KNDC1: variants seen among roughly 807,000 people sequenced by gnomAD.
The protein encoded by KNDC1 is kinase non-catalytic C-lobe domain-containing protein 1.
KNDC1 carries 106 observed loss-of-function variants against 172.8 expected under a neutral mutation model. That is an observed-to-expected ratio of 0.61 (90% CI 0.52 to 0.72). KNDC1 has a LOEUF of 0.72. KNDC1 is among the 30% of genes least tolerant of loss of function. KNDC1 has a pLI of 0.00. For synonymous variants in KNDC1, 1,083 were observed against 1,062.2 expected (o/e 1.02, Z -0.38); for missense variants, 2,325 against 2,394.5 (o/e 0.97, Z 0.61).
At chr10:133,166,862 G>A (rs1853176359) in intron 1 of KNDC1, among the ~76,000 whole-genome samples, 1 of 152,168 alleles carries the variant, frequency 6.6e-6, no homozygotes, top group Non-Finnish European at 1.5e-5. Context: ...CGAGCCACAT[G>A]GAGGGAACCG....
chr10:133,220,739 G>C (rs1482355055), intron 29 of KNDC1, among the ~76,000 whole-genome samples: 4 of 98,064 alleles, frequency 4.1e-5, no homozygotes, highest in African/African-American at 1.5e-4. Flanking sequence ...GGGCTCAGGC[G>C]GCCGCGCGCC....
intron 17 of KNDC1, among the ~76,000 whole-genome samples, chr10:133,203,968 A>C (rs1213948088): frequency 6.6e-6 from 1 of 152,168 alleles, no homozygotes; most frequent in Non-Finnish European, 1.5e-5. Context: ...GCTCGCAGGC[A>C]CCCGCCTCCA....
intron 1 of KNDC1, among the ~76,000 whole-genome samples, chr10:133,165,128 C>G (rs1374455254): frequency 6.6e-6 from 1 of 152,208 alleles, no homozygotes; most frequent in East Asian, 1.9e-4. Flanking sequence ...CTGGAAAGCC[C>G]CAGAGAGGCT....
At chr10:133,198,306 C>T (rs959069046) in intron 12 of KNDC1, 31 bp from the exon 13 acceptor site, 20 of 1,525,320 alleles carry the variant, frequency 1.3e-5, no homozygotes, top group Admixed American at 5.8e-5. Context: ...CCACTCCGCC[C>T]GCCCACACCC....
chr10:133,218,686 C>T lies in KNDC1; in HGVS notation c.4678-145C>T. ...CCCCTCCACGGCCACCGCTCACCTGCGTCCACACAGCCGCTTCCTTTCCAC... is the reference window on the plus strand; with the variant it reads ...CCCCTCCACGGCCACCGCTCACCTGTGTCCACACAGCCGCTTCCTTTCCAC... On this transcript the variant is annotated intron_variant, in intron 26 of 29. Transcript: ENST00000304613. 6 of 1,051,660 alleles carry T rather than the reference C, an allele frequency of 5.7e-6. 1 individual carries two copies. The highest frequency in any genetic ancestry group is 3.2e-5 in the African/African-American group (2 of 63,284). 65.1% of individuals were successfully genotyped at this position (1,051,660 alleles called of 1,614,324 possible).
At position 133,225,200 on chromosome 10, in the gene KNDC1, C is replaced by T. The variant is rs1330396942; in HGVS notation, c.*310C>T. 3 of 351,686 alleles carry T rather than the reference C, an allele frequency of 8.5e-6. No homozygotes were observed. Among genetic ancestry groups the T allele is most frequent in the Admixed American group, 8.8e-5 (2 of 22,802 alleles). 21.8% of individuals were successfully genotyped at this position (351,686 alleles called of 1,614,324 possible). ...CCAGGAGTTTTGTGCCTGTCTGCGC[C>T]TCTCACACACAGATAAGTGGCTCTT... On this transcript the variant is annotated 3_prime_UTR_variant, in exon 30 of 30. Transcript: ENST00000304613.
At chr10:133,222,499 G>C (rs1282139350) in intron 29 of KNDC1, among the ~76,000 whole-genome samples, 1 of 90,096 alleles carries the variant, frequency 1.1e-5, no homozygotes, top group African/African-American at 4.2e-5. Context: ...CGGTGTGTGT[G>C]TGTGTGTGTG....
chr10:133,207,394 C>G (rs779491833), intron 20 of KNDC1, 43 bp downstream of exon 20: 2 of 1,579,366 alleles, frequency 1.3e-6, no homozygotes, highest in South Asian at 1.1e-5. Flanking sequence ...AGACGTAGCC[C>G]GGGGTGCTGA....
In KNDC1 at chr10:133,219,969, C is replaced by T. The variant is rs1421511192; in HGVS notation, c.4875C>T (p.Ser1625=). ...TGGACCACCAGGTCTTCCTGAAGAGCGACAGCCTGTGTCTGATGGAAGGGC... is the reference window on the plus strand; with the variant it reads ...TGGACCACCAGGTCTTCCTGAAGAGTGACAGCCTGTGTCTGATGGAAGGGC... ...ELKAVEVFLK[S]DSLCLMEGRR... The change falls in exon 29 of 30, where the codon AGC becomes AGT. Residue 1625 remains serine (S), a synonymous_variant. Transcript: ENST00000304613. The T allele has an allele frequency of 2.6e-6, 4 of 1,551,610 alleles. No homozygotes were observed. The highest frequency in any genetic ancestry group is 1.7e-4 in the Middle Eastern group (1 of 5,980).
Position 133,206,898 on chromosome 10 carries a change from T to C in KNDC1, c.3524T>C (p.Leu1175Pro). ...KTMLSKLKGQ[L>P]EEMKSRVQFL... ...ATGCTGTCCAAGCTGAAAGGGCAGCTAGAAGAAATGAAATCCAGGGTGCAA... is the reference window on the plus strand; with the variant it reads ...ATGCTGTCCAAGCTGAAAGGGCAGCCAGAAGAAATGAAATCCAGGGTGCAA... Residue 1175 changes from leucine to proline, a missense_variant, in exon 19 of 30, where the codon CTA becomes CCA. Leu to Pro is a moderately conservative substitution (Grantham distance 98). Transcript: ENST00000304613. The C allele has an allele frequency of 1.9e-6, 3 of 1,614,106 alleles. No homozygotes were observed. The highest frequency in any genetic ancestry group is 2.5e-6 in the Non-Finnish European group (3 of 1,180,020).
intron 3 of KNDC1, among the ~76,000 whole-genome samples, chr10:133,181,339 G>A (rs1853711102): frequency 6.6e-6 from 1 of 152,238 alleles, no homozygotes; most frequent in Admixed American, 6.5e-5. Flanking sequence ...CGAGAGGCTG[G>A]CAGGTCCCCC....
rs112976401 is a variant in KNDC1, at chr10:133,215,264, G to T, written c.4677+1142G>T. ...CCAGAGTGGGCTGAAGGCTCTGGGG[G>T]AACCAGGAGCTGCTCGCAGTCCACC... On this transcript the variant is annotated intron_variant, in intron 26 of 29. Coordinates refer to ENST00000304613, the MANE Select transcript of KNDC1 (RefSeq NM_152643.8). Among the ~76,000 whole-genome samples the T allele has an allele frequency of 2.0e-5, 3 of 152,312 alleles. 1 individual carries two copies. Among genetic ancestry groups the T allele is most frequent in the African/African-American group, 7.2e-5 (3 of 41,572 alleles).
intron 3 of KNDC1, among the ~76,000 whole-genome samples, chr10:133,180,837 C>A (rs145126277): frequency 6.6e-6 from 1 of 152,232 alleles, no homozygotes; most frequent in Admixed American, 6.5e-5. Flanking sequence ...CGAGTAGATA[C>A]GAACAGATGC....
At chr10:133,197,033 C>A in intron 10 of KNDC1, 25 bp from the exon 11 acceptor site, 1 of 1,594,064 alleles carries the variant, frequency 6.3e-7, no homozygotes. Context: ...CCTGTCGGGA[C>A]GTGTGAACTG....
At chr10:133,169,157 G>T (rs984485769) in intron 3 of KNDC1, among the ~76,000 whole-genome samples, 2 of 152,138 alleles carry the variant, frequency 1.3e-5, no homozygotes, top group Admixed American at 6.5e-5. Context: ...CTTAAAATTT[G>T]ACCTTGAAAG....
intron 3 of KNDC1, among the ~76,000 whole-genome samples, chr10:133,177,283 G>C (rs1353714170): frequency 1.3e-5 from 2 of 152,090 alleles, no homozygotes; most frequent in South Asian, 2.1e-4. Context: ...ATGTGGTCTG[G>C]CATATGTGTG....
intron 17 of KNDC1, chr10:133,202,295 A>C: frequency 4.0e-6 from 2 of 497,044 alleles, no homozygotes; most frequent in African/African-American, 1.9e-5. Context: ...AAAACACCAA[A>C]AACGCCTGCC....
At chr10:133,193,062 A>C (rs1397541616) in intron 9 of KNDC1, among the ~76,000 whole-genome samples, 1 of 150,464 alleles carries the variant, frequency 6.6e-6, no homozygotes, top group Non-Finnish European at 1.5e-5. Context: ...AATAAAAAAC[A>C]AAAAGAGAGA....
Position 133,201,843 on chromosome 10 carries a change from T to C in KNDC1, c.3332T>C (p.Val1111Ala). 6.7e-7 allele frequency: 1 copy of C among 1,485,644 alleles called. No individual in the cohort carries two copies. The highest frequency in any genetic ancestry group is 8.9e-7 in the Non-Finnish European group (1 of 1,119,210). 92.0% of individuals were successfully genotyped at this position (1,485,644 alleles called of 1,614,324 possible). A position where few individuals can be genotyped will look rare whatever the true frequency, so the allele number is the denominator to read the frequency against. Residue 1111 changes from valine to alanine, a missense_variant, in exon 17 of 30, where the codon GTG becomes GCG. Physicochemically the swap from Val to Ala is moderately conservative, Grantham distance 64. Coordinates refer to ENST00000304613, the MANE Select transcript of KNDC1 (RefSeq NM_152643.8). Reference sequence around the variant, plus strand: ...TTCGGGGCCGACGTCCACAACTACGTGAAGGACCTGGGGCGGCAGCAGGCG... The same window carrying C: ...TTCGGGGCCGACGTCCACAACTACGCGAAGGACCTGGGGCGGCAGCAGGCG... Reference protein sequence around the residue: ...DCFGADVHNYVKDLGRQQADG... With the variant: ...DCFGADVHNYAKDLGRQQADG...
Sources: allele counts gnomAD v4.1 joint callset (sites outside exome capture counted in the v4.1 genomes callset), GRCh38; gene constraint gnomAD v4.1.1; transcripts MANE v1.5; gene names NCBI Gene and HGNC (gene_info 2026-07-23, HGNC 2026-07-21).